Variants in PACS1 observed in about 807,000 individuals in gnomAD.
The protein encoded by PACS1 is PACS-1.
A neutral mutation model predicts 115.0 loss-of-function variants in PACS1; 24 were observed. The ratio of observed to expected loss-of-function variants is 0.21; its 90% CI spans 0.15 to 0.29. The LOEUF (loss-of-function observed/expected upper bound fraction) is 0.29, where lower values mean the gene tolerates loss of function less well. Among genes scored for constraint, PACS1 ranks in the 10% least tolerant of loss-of-function variants. The pLI is 1.00. For missense variants in PACS1, 838 were observed against 1,251.2 expected (o/e 0.67, Z 4.98); for synonymous variants, 453 against 504.5 (o/e 0.90, Z 1.37).
In PACS1 at chr11:66,232,989, G is replaced by T; in HGVS notation, c.1761G>T (p.Arg587=). 1 of 1,612,918 alleles carries T rather than the reference G, an allele frequency of 6.2e-7. No homozygotes were observed. The part of the protein sequence containing the change: ...QYVAELLQDQ[R]KPVVCTCSTV... ...TGGCTGAGCTGCTCCAGGACCAGCG[G>T]AAGCCTGTGGTGTGCACCTGCTCCA... The change falls in exon 15 of 24, where the codon CGG becomes CGT. Residue 587 remains arginine (R), a synonymous_variant. Coordinates refer to ENST00000320580, the MANE Select transcript of PACS1 (RefSeq NM_018026.4).
rs753506695 is a variant in PACS1 at position 66,227,515 on chromosome 11, T to A, written c.1305T>A (p.Ala435=). 142 of 1,601,672 alleles carry A rather than the reference T, an allele frequency of 8.9e-5. 1 individual carries two copies. The highest frequency in any genetic ancestry group is 1.1e-4 in the Non-Finnish European group (132 of 1,170,686). The change falls in exon 11 of 24, where the codon GCT becomes GCA. Residue 435 remains alanine (A), a synonymous_variant. Transcript: ENST00000320580. ...GKDTTSPMEL[A]ALEKIKSTWI... is the part of the protein sequence containing the mutation. The stretch of plus-strand genomic sequence containing the variant: ...TATAATTTTTGCAGATGGAATTGGC[T>A]GCTCTAGAAAAAATTAAATCTACTT...
intron 1 of PACS1, among the ~76,000 whole-genome samples, chr11:66,183,192 C>T (rs899435954): frequency 5.9e-5 from 9 of 152,194 alleles, no homozygotes; most frequent in African/African-American, 1.9e-4. Context: ...CAAAATTATG[C>T]TATTTCATAT....
intron 1 of PACS1, among the ~76,000 whole-genome samples, chr11:66,193,282 G>A (rs1439182005): frequency 3.9e-5 from 6 of 152,172 alleles, no homozygotes; most frequent in Admixed American, 3.9e-4. Flanking sequence ...GCTCCAGTCT[G>A]GGCAACATAG....
chr11:66,081,212 G>A (rs188967381), intron 1 of PACS1, among the ~76,000 whole-genome samples: 33 of 151,754 alleles, frequency 2.2e-4, no homozygotes, highest in Non-Finnish European at 4.4e-4. Context: ...CAGTCTGAGC[G>A]ACAGATCAAG....
chr11:66,101,307 C>T (rs1388562489), intron 1 of PACS1, among the ~76,000 whole-genome samples: 2 of 152,158 alleles, frequency 1.3e-5, no homozygotes, highest in East Asian at 3.9e-4. Flanking sequence ...TGTATGCGTC[C>T]GTTCATGCTT....
intron 21 of PACS1, 27 bp downstream of exon 21, chr11:66,239,304 G>T: frequency 1.3e-6 from 2 of 1,592,318 alleles, no homozygotes; most frequent in Non-Finnish European, 1.7e-6. Context: ...TACCTGTCCT[G>T]CCATGCCCTC....
chr11:66,087,010 C>T (rs972111805), intron 1 of PACS1, among the ~76,000 whole-genome samples: 1 of 152,092 alleles, frequency 6.6e-6, no homozygotes, highest in Admixed American at 6.6e-5. Flanking sequence ...CAGAAAAGGA[C>T]ATATATCATA....
At chr11:66,186,589 C>T (rs1854380626) in intron 1 of PACS1, among the ~76,000 whole-genome samples, 1 of 152,226 alleles carries the variant, frequency 6.6e-6, no homozygotes, top group Non-Finnish European at 1.5e-5. Context: ...TGTCCTTTCA[C>T]TAGAGTGTGA....
chr11:66,179,212 C>G lies in PACS1; in HGVS notation c.357-14274C>G, dbSNP rs182975965. Among the ~76,000 whole-genome samples the G allele has an allele frequency of 9.2e-5, 14 of 152,050 alleles. No homozygotes were observed. In the East Asian group the frequency reaches 2.5e-3, roughly 27 times the overall value. Reference sequence around the variant, plus strand: ...AACCATCTTTTTATATTTTATTGACCACTTGCTCTCCTTTTCTGTTAAGTA... The same window carrying G: ...AACCATCTTTTTATATTTTATTGACGACTTGCTCTCCTTTTCTGTTAAGTA... On this transcript the variant is annotated intron_variant, in intron 1 of 23. Coordinates refer to ENST00000320580, the MANE Select transcript of PACS1 (RefSeq NM_018026.4).
intron 7 of PACS1, chr11:66,218,037 C>G (rs1170702767): frequency 6.1e-6 from 1 of 162,604 alleles, no homozygotes; most frequent in Non-Finnish European, 1.3e-5. Flanking sequence ...CAGTTCTATC[C>G]CAGAGACTCA....
intron 1 of PACS1, among the ~76,000 whole-genome samples, chr11:66,085,590 T>C (rs1857553503): frequency 6.6e-6 from 1 of 152,216 alleles, no homozygotes; most frequent in Non-Finnish European, 1.5e-5. Flanking sequence ...GTGGTATTGA[T>C]GAAGTGAGTA....
At chr11:66,147,190 C>T (rs1859145788) in intron 1 of PACS1, among the ~76,000 whole-genome samples, 1 of 151,992 alleles carries the variant, frequency 6.6e-6, no homozygotes, top group Non-Finnish European at 1.5e-5. Context: ...GGGTAGAAGG[C>T]AATGGAATGA....
chr11:66,217,582 A>T (rs572579062), intron 7 of PACS1: 11 of 455,852 alleles, frequency 2.4e-5, no homozygotes, highest in Non-Finnish European at 4.4e-5. Flanking sequence ...AGGCCAGATC[A>T]CTCTCCCATC....
chr11:66,168,754 G>A (rs60650673), intron 1 of PACS1, among the ~76,000 whole-genome samples: 3,377 of 142,682 alleles, frequency 0.024, 330 homozygotes, highest in African/African-American at 0.088. Context: ...ATATATATAT[G>A]TGTGTGTGTG....
chr11:66,123,994 C>G (rs753865005), intron 1 of PACS1, among the ~76,000 whole-genome samples: 2 of 152,192 alleles, frequency 1.3e-5, no homozygotes, highest in Non-Finnish European at 2.9e-5. Flanking sequence ...CTCCAAGGAA[C>G]TGTTTACTTG....
chr11:66,079,018 C>G (rs1857438224), intron 1 of PACS1, among the ~76,000 whole-genome samples: 1 of 152,184 alleles, frequency 6.6e-6, no homozygotes, highest in South Asian at 2.1e-4. Flanking sequence ...AGTGATTCTC[C>G]AGCCTCAGCC....
chr11:66,108,078 G>A (rs577435477), intron 1 of PACS1, among the ~76,000 whole-genome samples: 32 of 152,280 alleles, frequency 2.1e-4, no homozygotes, highest in Non-Finnish European at 4.6e-4. Context: ...TCTAGTTTGA[G>A]TGTTGTGTTA....
intron 1 of PACS1, among the ~76,000 whole-genome samples, chr11:66,168,078 T>C (rs1859648225): frequency 6.7e-6 from 1 of 150,246 alleles, no homozygotes; most frequent in Non-Finnish European, 1.5e-5. Flanking sequence ...TTTTTAAAAA[T>C]TTTTTGTAGA....
intron 2 of PACS1, among the ~76,000 whole-genome samples, chr11:66,201,984 G>A (rs1854810293): frequency 6.6e-6 from 1 of 151,850 alleles, no homozygotes; most frequent in African/African-American, 2.4e-5. Flanking sequence ...AAGACAAAAT[G>A]GATAAACCTT....
Sources: gnomAD v4.1 joint callset for allele counts (sites outside exome capture counted in the v4.1 genomes callset) on GRCh38, gnomAD v4.1.1 for gene constraint, MANE v1.5 for transcripts, NCBI Gene and HGNC (gene_info 2026-07-23, HGNC 2026-07-21) for gene names.